Variants in PTPRG observed in about 807,000 individuals in gnomAD.
The protein encoded by PTPRG is receptor-type tyrosine-protein phosphatase gamma.
Under a neutral mutation model 165.3 loss-of-function variants are expected in PTPRG, and 102 were observed. The ratio of observed to expected loss-of-function variants is 0.62; its 90% confidence interval spans 0.53 to 0.73. The LOEUF (loss-of-function observed/expected upper bound fraction) is 0.73, where lower values mean the gene tolerates loss of function less well. Among genes scored for constraint, PTPRG ranks in the 30% least tolerant of loss-of-function variants. PTPRG has a pLI of 0.00. For missense variants in PTPRG, 1,866 were observed against 1,861.4 expected, an observed-to-expected ratio of 1.00 and a Z score of -0.05; for synonymous variants, 675 against 669.5, an observed-to-expected ratio of 1.01 and a Z score of -0.13.
intron 1 of PTPRG, among the ~76,000 whole-genome samples, chr3:61,569,034 C>T (rs1012018498): frequency 6.6e-6 from 1 of 152,070 alleles, no homozygotes; most frequent in Non-Finnish European, 1.5e-5. Context: ...GGTAGTGTTT[C>T]ACTTGTACTT....
chr3:62,023,253 C>T (rs1269895054), intron 4 of PTPRG, among the ~76,000 whole-genome samples: 1 of 152,058 alleles, frequency 6.6e-6, no homozygotes, highest in Non-Finnish European at 1.5e-5. Flanking sequence ...GTGGTTGTCT[C>T]CCACATAATA....
chr3:61,956,206 C>T (rs1397895092), intron 2 of PTPRG, among the ~76,000 whole-genome samples: 1 of 151,908 alleles, frequency 6.6e-6, no homozygotes, highest in African/African-American at 2.4e-5. Flanking sequence ...TTTTAATTTT[C>T]ATTCCGTTAA....
intron 12 of PTPRG, among the ~76,000 whole-genome samples, chr3:62,207,080 G>T (rs1227395070): frequency 6.6e-6 from 1 of 152,158 alleles, no homozygotes; most frequent in South Asian, 2.1e-4. Context: ...AAATGGTGGT[G>T]ATGATTGTTT....
intron 5 of PTPRG, among the ~76,000 whole-genome samples, chr3:62,083,821 T>C (rs947395940): frequency 6.6e-6 from 1 of 152,240 alleles, no homozygotes; most frequent in African/African-American, 2.4e-5. Flanking sequence ...CCAAAGTGTC[T>C]TTTAACCATG....
chr3:61,731,515 A>AT (rs2032500191), intron 1 of PTPRG, among the ~76,000 whole-genome samples: 1 of 151,696 alleles, frequency 6.6e-6, no homozygotes, highest in Admixed American at 6.6e-5. Flanking sequence ...CGCCCAGCTA[A>AT]TTTTTTGTAT....
Position 61,722,222 on chromosome 3 carries a change from T to TACACACACAC in PTPRG, c.86-26642_86-26633dup, listed in dbSNP as rs111827362. On this transcript the variant is annotated intron_variant, in intron 1 of 29. Transcript: ENST00000474889. ...GAGCAAAGAGAGAGGGCAAAACAAA[T>TACACACACAC]ACACACACACACACACACACACATG... 6.3e-3 allele frequency among the ~76,000 whole-genome samples: 934 copies of TACACACACAC among 149,066 alleles called. 32 individuals carry two copies. The East Asian group carries it at 0.11, about 18-fold the overall frequency.
chr3:62,097,104 G>A (rs562151909), intron 5 of PTPRG, among the ~76,000 whole-genome samples: 37 of 152,118 alleles, frequency 2.4e-4, no homozygotes, highest in African/African-American at 7.5e-4. Flanking sequence ...CTATTATCAC[G>A]CGCTTAAGCA....
At chr3:61,963,092 T>C (rs1488835879) in intron 2 of PTPRG, among the ~76,000 whole-genome samples, 1 of 152,170 alleles carries the variant, frequency 6.6e-6, no homozygotes, top group African/African-American at 2.4e-5. Flanking sequence ...TTTATGCAAA[T>C]ATAATTAAAT....
intron 13 of PTPRG, among the ~76,000 whole-genome samples, chr3:62,227,568 T>C (rs1342388425): frequency 6.6e-6 from 1 of 152,234 alleles, no homozygotes; most frequent in African/African-American, 2.4e-5. Flanking sequence ...TCCAGGATCA[T>C]AGAGCTTGTA....
chr3:62,094,468 C>G (rs529388486), intron 5 of PTPRG, among the ~76,000 whole-genome samples: 23 of 152,176 alleles, frequency 1.5e-4, no homozygotes, highest in Non-Finnish European at 1.0e-4. Flanking sequence ...GTGCTATGGT[C>G]GTGAGAGCTT....
At chr3:62,215,244 A>G (rs1464715347) in intron 12 of PTPRG, among the ~76,000 whole-genome samples, 2 of 152,208 alleles carry the variant, frequency 1.3e-5, no homozygotes, top group African/African-American at 2.4e-5. Context: ...ATGGAATCCA[A>G]TTCCAGGTTC....
At chr3:62,167,461 A>G (rs929351241) in intron 7 of PTPRG, among the ~76,000 whole-genome samples, 5 of 152,224 alleles carry the variant, frequency 3.3e-5, no homozygotes, top group Non-Finnish European at 5.9e-5. Flanking sequence ...CTTAAAATTG[A>G]CAAAAATCCT....
intron 17 of PTPRG, among the ~76,000 whole-genome samples, chr3:62,265,896 T>TATATATACACACACACACACACACACAC (rs1553662684): frequency 2.3e-5 from 3 of 130,612 alleles, no homozygotes; most frequent in South Asian, 2.8e-4. Context: ...GTGCCTTATA[T>TATATATACACACACACACACACACACAC]ACACACACAC....
At chr3:61,822,580 C>G (rs2035985992) in intron 2 of PTPRG, among the ~76,000 whole-genome samples, 1 of 152,078 alleles carries the variant, frequency 6.6e-6, no homozygotes, top group Non-Finnish European at 1.5e-5. Flanking sequence ...ACCAAATGGA[C>G]AAGAAAAATA....
At chr3:62,069,629 G>T (rs1455625393) in intron 4 of PTPRG, among the ~76,000 whole-genome samples, 1 of 143,616 alleles carries the variant, frequency 7.0e-6, no homozygotes, top group African/African-American at 2.6e-5. Context: ...GAGAGCCATA[G>T]GATCGATGTC....
intron 2 of PTPRG, among the ~76,000 whole-genome samples, chr3:61,842,145 C>G (rs1233060934): frequency 6.6e-6 from 1 of 152,242 alleles, no homozygotes; most frequent in Non-Finnish European, 1.5e-5. Flanking sequence ...GAGCCTGTCT[C>G]TGAGTATGCA....
At chr3:61,796,249 G>A (rs145390066) in intron 2 of PTPRG, among the ~76,000 whole-genome samples, 1 of 152,180 alleles carries the variant, frequency 6.6e-6, no homozygotes, top group Non-Finnish European at 1.5e-5. Context: ...TAGTCCACAC[G>A]CAGATAACTC....
chr3:62,110,170 A>G (rs1326748277), intron 5 of PTPRG, among the ~76,000 whole-genome samples: 2 of 119,098 alleles, frequency 1.7e-5, no homozygotes, highest in East Asian at 2.4e-4. Flanking sequence ...GTAGTTACCT[A>G]TCTTTTACTT....
chr3:62,063,290 T>A (rs1700881398), intron 4 of PTPRG, among the ~76,000 whole-genome samples: 1 of 152,234 alleles, frequency 6.6e-6, no homozygotes, highest in South Asian at 2.1e-4. Flanking sequence ...GATTTTGAAC[T>A]ATGATCAAAG....
Sources: gnomAD v4.1 joint callset for allele counts (sites outside exome capture counted in the v4.1 genomes callset) on GRCh38, gnomAD v4.1.1 for gene constraint, MANE v1.5 for transcripts, NCBI Gene and HGNC (gene_info 2026-07-23, HGNC 2026-07-21) for gene names.